Variants in ANKS3 observed in about 807,000 individuals in gnomAD.
ANKS3 encodes the protein ankyrin repeat and sterile alpha motif domain containing 3.
ANKS3 carries 62 observed loss-of-function variants against 80.7 expected under a neutral mutation model. The ratio of observed to expected loss-of-function variants is 0.77; its 90% CI spans 0.63 to 0.95. ANKS3 has a LOEUF of 0.95. ANKS3 is among the 40% of genes least tolerant of loss of function. The pLI, the probability that ANKS3 is intolerant of heterozygous loss-of-function variation, is 0.00. For missense variants in ANKS3, 1,150 were observed against 883.6 expected, an observed-to-expected ratio of 1.30 and a Z score of -3.82; for synonymous variants, 489 against 355.3, an observed-to-expected ratio of 1.38 and a Z score of -4.23.
chr16:4,730,998 C>A (rs1364655822), intron 2 of ANKS3, among the ~76,000 whole-genome samples: 1 of 152,194 alleles, frequency 6.6e-6, no homozygotes, highest in Non-Finnish European at 1.5e-5. Context: ...AACGGTGGCA[C>A]ATCCATATAA....
rs1288602012 is a variant in ANKS3 at position 4,721,038 on chromosome 16, G to A, written c.573+3712C>T. Among the ~76,000 whole-genome samples, 4 of 150,898 alleles carry A rather than the reference G, an allele frequency of 2.7e-5. No homozygotes were observed. In the East Asian group the frequency reaches 7.8e-4, roughly 29 times the overall value. ...AAAAAAAGAGAGGCCAGGCACGGTG[G>A]CTCACGCCTGTAATCCCAGCACTTT... On this transcript the variant is annotated intron_variant, in intron 6 of 17. Coordinates refer to ENST00000304283, the MANE Select transcript of ANKS3 (RefSeq NM_133450.4).
At chr16:4,721,195 C>G (rs559741702) in intron 6 of ANKS3, among the ~76,000 whole-genome samples, 8 of 149,766 alleles carry the variant, frequency 5.3e-5, no homozygotes, top group Non-Finnish European at 8.9e-5. Context: ...GTCCCAGCTA[C>G]TCGGGAGGCT....
chr16:4,726,825 C>T lies in ANKS3; in HGVS notation c.370-45G>A, dbSNP rs768747486. Reference sequence around the variant, plus strand: ...GTGCGTTACGGCCTCATCTCCTCTGCGTGGGGCGGGCGCCCTCCAGGCGGC... The same window carrying T: ...GTGCGTTACGGCCTCATCTCCTCTGTGTGGGGCGGGCGCCCTCCAGGCGGC... On this transcript the variant is annotated intron_variant, in intron 4 of 17. Coordinates refer to ENST00000304283, the MANE Select transcript of ANKS3 (RefSeq NM_133450.4). 49 of 1,603,356 alleles carry T rather than the reference C, an allele frequency of 3.1e-5. 1 individual carries two copies. In the South Asian group the frequency reaches 4.3e-4, roughly 14 times the overall value.
At chr16:4,727,401 C>T (rs374876312) in intron 3 of ANKS3, 115 of 594,722 alleles carry the variant, frequency 1.9e-4, no homozygotes, top group African/African-American at 1.7e-3. Flanking sequence ...GCTCTGATTT[C>T]GCATCCTCCT....
rs1340320370 is a variant in ANKS3, at chr16:4,726,675, C to T, written c.475G>A (p.Ala159Thr). 1 of 1,613,906 alleles carries T rather than the reference C, an allele frequency of 6.2e-7. No individual in the cohort carries two copies. Among genetic ancestry groups the T allele is most frequent in the Non-Finnish European group, 8.5e-7 (1 of 1,179,798 alleles). ...HMVRFLLDSGANANVREPICG... is the reference protein window; with the variant it reads ...HMVRFLLDSGTNANVREPICG... ...GGCAATCACCTCACGTTGGCATTGG[C>T]TCCACTGTCCAAGAGGAACCTGACC... is the stretch of plus-strand genomic sequence containing the variant. The change falls in exon 5 of 18, where the codon GCC (alanine) becomes ACC (threonine). Residue 159 changes from alanine (A) to threonine (T), a missense_variant. Transcript: ENST00000304283.
chr16:4,727,199 T>A (rs1285810278), intron 3 of ANKS3, 22 bp from the exon 4 acceptor site: 1 of 1,611,762 alleles, frequency 6.2e-7, no homozygotes, highest in South Asian at 1.1e-5. Flanking sequence ...CAAGATATGC[T>A]AGACATGGCC....
chr16:4,710,302 T>C (rs1442421412), intron 7 of ANKS3, among the ~76,000 whole-genome samples: 2 of 152,254 alleles, frequency 1.3e-5, no homozygotes, highest in Admixed American at 6.5e-5. Flanking sequence ...TTTGAGGTGA[T>C]GGATAAGCTA....
In ANKS3 at chr16:4,726,651, G is replaced by T; in HGVS notation, c.491+8C>A. 6.2e-7 allele frequency: 1 copy of T among 1,612,998 alleles called. No homozygotes were observed. The highest frequency in any genetic ancestry group is 8.5e-7 in the Non-Finnish European group (1 of 1,179,170). ...CACTCCTGTGGCCACTAAAGATGTG[G>T]CAATCACCTCACGTTGGCATTGGCT... On this transcript the variant is annotated splice_region_variant and intron_variant, in intron 5 of 17. Transcript: ENST00000304283.
At chr16:4,705,999 G>T (rs28429928) in intron 7 of ANKS3, among the ~76,000 whole-genome samples, 2 of 151,572 alleles carry the variant, frequency 1.3e-5, no homozygotes, top group African/African-American at 4.8e-5. Context: ...CTGGGTTCAA[G>T]CAATTCTCCT....
At chr16:4,728,150 A>G (rs1229311449) in intron 3 of ANKS3, 1 of 151,914 alleles carries the variant, frequency 6.6e-6, no homozygotes, top group Non-Finnish European at 1.5e-5. Context: ...AGTTCACGCC[A>G]TTCTCCTGCC....
chr16:4,723,780 T>G (rs543229385), intron 6 of ANKS3, among the ~76,000 whole-genome samples: 1 of 152,268 alleles, frequency 6.6e-6, no homozygotes, highest in East Asian at 1.9e-4. Context: ...CAAGGTTCTG[T>G]GTGGACAGGC....
intron 1 of ANKS3, among the ~76,000 whole-genome samples, chr16:4,733,380 C>T (rs1242620615): frequency 2.0e-5 from 3 of 151,884 alleles, no homozygotes; most frequent in Non-Finnish European, 4.4e-5. Context: ...CAACCTCCGC[C>T]TCCTGGGTTC....
intron 6 of ANKS3, among the ~76,000 whole-genome samples, chr16:4,716,400 G>A (rs1003931743): frequency 1.3e-5 from 2 of 150,510 alleles, no homozygotes; most frequent in African/African-American, 2.4e-5. Flanking sequence ...CCCTTAAGGA[G>A]TTTTGCTACC....
At chr16:4,697,242 G>T in intron 16 of ANKS3, 91 bp downstream of exon 16, 1 of 1,544,158 alleles carries the variant, frequency 6.5e-7, no homozygotes. Context: ...TTGGGGTAGA[G>T]AGACACAAAC....
intron 6 of ANKS3, among the ~76,000 whole-genome samples, chr16:4,721,020 G>C (rs1447704569): frequency 7.0e-6 from 1 of 142,894 alleles, no homozygotes; most frequent in African/African-American, 2.6e-5. Flanking sequence ...AAAAAAAAAA[G>C]AGAGGCCAGG....
chr16:4,701,254 G>C, intron 10 of ANKS3, 120 bp from the exon 11 acceptor site: 1 of 1,508,414 alleles, frequency 6.6e-7, no homozygotes, highest in Non-Finnish European at 9.0e-7. Context: ...CGCCACACAG[G>C]GGCTTCCGGT....
In ANKS3 at chr16:4,727,025, A is replaced by G. The variant is rs1351920045; in HGVS notation, c.323T>C (p.Leu108Pro). 1 of 1,614,200 alleles carries G rather than the reference A, an allele frequency of 6.2e-7. No homozygotes were observed. The highest frequency in any genetic ancestry group is 1.1e-5 in the South Asian group (1 of 91,082). Residue 108 changes from leucine (L) to proline (P), a missense_variant, in exon 4 of 18, where the codon CTG (leucine) becomes CCG (proline). Transcript: ENST00000304283. ...PTPEGQTPLMLASSCGNESIA... is the reference protein window; with the variant it reads ...PTPEGQTPLMPASSCGNESIA... ...GCTCTCGTTGCCACAGCTGGAGGCC[A>G]GCATCAGTGGAGTCTGCCCTTCTGG...
intron 8 of ANKS3, 141 bp from the exon 9 acceptor site, chr16:4,702,383 T>G: frequency 1.1e-6 from 1 of 907,112 alleles, no homozygotes; most frequent in South Asian, 2.7e-5. Context: ...GCTCTATCTG[T>G]GGTGTGTGGG....
At chr16:4,722,274 G>C (rs973548671) in intron 6 of ANKS3, among the ~76,000 whole-genome samples, 1 of 151,364 alleles carries the variant, frequency 6.6e-6, no homozygotes. Context: ...AACATAGACA[G>C]CTCGTAAGAG....
Sources: gnomAD v4.1 joint callset for allele counts (sites outside exome capture counted in the v4.1 genomes callset) on GRCh38, gnomAD v4.1.1 for gene constraint, MANE v1.5 for transcripts, NCBI Gene and HGNC (gene_info 2026-07-23, HGNC 2026-07-21) for gene names.